MMP26: variants seen among roughly 807,000 people sequenced by gnomAD.
MMP26 encodes the protein matrix metalloproteinase-26.
In MMP26, 33 loss-of-function variants were observed where a neutral mutation model predicts 31.0. The observed-to-expected ratio is 1.06, with a 90% CI of 0.81 to 1.42. MMP26 has a LOEUF of 1.42. MMP26 is among the 40% of genes most tolerant of loss of function. MMP26 has a pLI of 0.00. For synonymous variants in MMP26, 122 were observed against 114.9 expected, an observed-to-expected ratio of 1.06 and a Z score of -0.40; for missense variants, 347 against 316.1, an observed-to-expected ratio of 1.10 and a Z score of -0.74.
intron 2 of MMP26, among the ~76,000 whole-genome samples, chr11:4,790,042 A>G (rs1849002560): frequency 6.6e-6 from 1 of 152,128 alleles, no homozygotes; most frequent in African/African-American, 2.4e-5. Flanking sequence ...ATACACAACT[A>G]TATTTAAGAA....
At chr11:4,972,780 G>T (rs1392088634) in intron 2 of MMP26, among the ~76,000 whole-genome samples, 4 of 152,134 alleles carry the variant, frequency 2.6e-5, no homozygotes, top group African/African-American at 9.7e-5. Flanking sequence ...AGAGTCCCAA[G>T]CCTGAATACT....
chr11:4,789,530 C>CCTTTTTTTTTT (rs1848993184), intron 2 of MMP26, among the ~76,000 whole-genome samples: 2 of 65,942 alleles, frequency 3.0e-5, no homozygotes, highest in Admixed American at 2.8e-4. Flanking sequence ...TATCCCCCCA[C>CCTTTTTTTTTT]TTTTTTTTTT....
chr11:4,958,532 A>G (rs1006689773), intron 2 of MMP26, among the ~76,000 whole-genome samples: 1 of 151,766 alleles, frequency 6.6e-6, no homozygotes, highest in Non-Finnish European at 1.5e-5. Context: ...ATATCTATCT[A>G]TCTGTCTATC....
intron 2 of MMP26, among the ~76,000 whole-genome samples, chr11:4,879,603 C>T (rs1354356354): frequency 6.6e-6 from 1 of 152,098 alleles, no homozygotes; most frequent in African/African-American, 2.4e-5. Flanking sequence ...ACTTCAATTT[C>T]CTCAGCTGTG....
intron 2 of MMP26, chr11:4,923,361 T>C (rs1851212240): frequency 6.6e-7 from 1 of 1,522,618 alleles, no homozygotes; most frequent in East Asian, 2.3e-5. Flanking sequence ...AAACTTCCTC[T>C]CTTTACTCTA....
rs899795502 is a variant in MMP26 at position 4,794,745 on chromosome 11, C to A, written c.-145+27404C>A. 1.4e-4 allele frequency among the ~76,000 whole-genome samples: 21 copies of A among 152,202 alleles called. 1 individual carries two copies. Among genetic ancestry groups the A allele is most frequent in the Non-Finnish European group, 1.0e-4 (7 of 68,032 alleles). On this transcript the variant is annotated intron_variant, in intron 2 of 7. Transcript: ENST00000380390. The stretch of plus-strand genomic sequence containing the variant: ...GGTGAGGGTAACCAAGCAGTCCCGA[C>A]AAGCAGGTGCTGGCTATTAAAGCAG...
chr11:4,707,579 G>C (rs749071738), intron 1 of MMP26, among the ~76,000 whole-genome samples: 2 of 152,134 alleles, frequency 1.3e-5, no homozygotes, highest in Non-Finnish European at 2.9e-5. Context: ...GAAAATAAAT[G>C]TTTTTATCAC....
Position 4,841,902 on chromosome 11 carries a change from C to T in MMP26, c.-145+74561C>T, listed in dbSNP as rs141333792. Among the ~76,000 whole-genome samples the T allele has an allele frequency of 9.4e-3, 1,431 of 152,332 alleles. 25 individuals carry two copies. Among genetic ancestry groups the T allele is most frequent in the African/African-American group, 0.033 (1,368 of 41,576 alleles). On this transcript the variant is annotated intron_variant, in intron 2 of 7. Coordinates refer to ENST00000380390, the MANE Select transcript of MMP26 (RefSeq NM_021801.5). ...GAGCCAAGATCACGCCACTGCACTG[C>T]AGCCTGGGCAACAAGAGCAAAACTC...
At chr11:4,938,577 C>T (rs59573305) in intron 2 of MMP26, among the ~76,000 whole-genome samples, 200 of 152,174 alleles carry the variant, frequency 1.3e-3, no homozygotes, top group African/African-American at 4.4e-3. Context: ...TTAGGCTTTG[C>T]GCACTTAACA....
intron 2 of MMP26, among the ~76,000 whole-genome samples, chr11:4,801,907 T>C (rs11033930): frequency 6.6e-6 from 1 of 151,922 alleles, no homozygotes; most frequent in Non-Finnish European, 1.5e-5. Flanking sequence ...ACCAAGGAGA[T>C]AGTGCTAAGC....
chr11:4,861,621 A>G (rs1850161118), intron 2 of MMP26, among the ~76,000 whole-genome samples: 1 of 152,028 alleles, frequency 6.6e-6, no homozygotes, highest in African/African-American at 2.4e-5. Context: ...CAGAAATTTC[A>G]ACAGTTTATA....
intron 1 of MMP26, among the ~76,000 whole-genome samples, chr11:4,706,846 A>G (rs1369647265): frequency 6.6e-6 from 1 of 152,176 alleles, no homozygotes; most frequent in Non-Finnish European, 1.5e-5. Flanking sequence ...GATACTTCAC[A>G]TATAAGTGGA....
intron 2 of MMP26, among the ~76,000 whole-genome samples, chr11:4,784,457 A>G (rs1293839424): frequency 6.6e-6 from 1 of 152,192 alleles, no homozygotes; most frequent in Non-Finnish European, 1.5e-5. Context: ...AATTATGGTA[A>G]TGATCACAAG....
chr11:4,709,950 G>A (rs4432013), intron 1 of MMP26: 378,018 of 456,824 alleles, frequency 0.83, 157,217 homozygotes, highest in African/African-American at 0.9. Context: ...CTTTATTGCC[G>A]TCTGTAACCC....
chr11:4,893,614 G>C (rs535649024), intron 2 of MMP26, among the ~76,000 whole-genome samples: 2 of 152,238 alleles, frequency 1.3e-5, no homozygotes, highest in African/African-American at 4.8e-5. Context: ...ATCTATTTAA[G>C]TGTTTACAGT....
chr11:4,976,918 T>C (rs1465451778), intron 2 of MMP26, among the ~76,000 whole-genome samples: 3 of 152,108 alleles, frequency 2.0e-5, no homozygotes, highest in Non-Finnish European at 4.4e-5. Context: ...TGTGCCACTG[T>C]GAGTTTTCAG....
intron 2 of MMP26, among the ~76,000 whole-genome samples, chr11:4,885,122 A>G (rs1347396809): frequency 2.6e-5 from 4 of 152,102 alleles, no homozygotes; most frequent in African/African-American, 7.2e-5. Flanking sequence ...AATTTCAACA[A>G]TATACTCCAC....
intron 1 of MMP26, among the ~76,000 whole-genome samples, chr11:4,715,426 C>T (rs1847916720): frequency 6.6e-6 from 1 of 151,114 alleles, no homozygotes; most frequent in Admixed American, 6.6e-5. Context: ...CAAATGCTTC[C>T]TGAAATAAAT....
intron 2 of MMP26, among the ~76,000 whole-genome samples, chr11:4,830,515 G>A (rs1041030051): frequency 1.1e-4 from 17 of 152,134 alleles, no homozygotes; most frequent in Non-Finnish European, 2.1e-4. Context: ...CATGTATTGA[G>A]TTACCTGAGT....
Sources: allele counts gnomAD v4.1 joint callset (sites outside exome capture counted in the v4.1 genomes callset), GRCh38; gene constraint gnomAD v4.1.1; transcripts MANE v1.5; gene names NCBI Gene and HGNC (gene_info 2026-07-23, HGNC 2026-07-21).